The following LDB2 variants were observed in gnomAD, a reference collection of about 807,000 sequenced individuals.
The protein encoded by LDB2 is LIM domain-binding protein 2.
LDB2 carries 12 observed loss-of-function variants against 44.3 expected under a neutral mutation model. The ratio of observed to expected loss-of-function variants is 0.27; its 90% CI spans 0.17 to 0.44. LDB2 has a LOEUF of 0.44. Among genes scored for constraint, LDB2 ranks in the 20% least tolerant of loss-of-function variants. LDB2 has a pLI of 1.00. For missense variants in LDB2, 344 were observed against 473.5 expected, an observed-to-expected ratio of 0.73 and a Z score of 2.54; for synonymous variants, 164 against 174.8, an observed-to-expected ratio of 0.94 and a Z score of 0.49.
chr4:16,585,516 G>A (rs7667956), intron 5 of LDB2, among the ~76,000 whole-genome samples: 2,670 of 152,254 alleles, frequency 0.018, 34 homozygotes, highest in South Asian at 0.051. Context: ...GATTTCTTCA[G>A]GAGACTCTAT....
At chr4:16,876,074 T>C (rs1227064154) in intron 1 of LDB2, among the ~76,000 whole-genome samples, 1 of 152,204 alleles carries the variant, frequency 6.6e-6, no homozygotes, top group Non-Finnish European at 1.5e-5. Flanking sequence ...CACCCTCCTA[T>C]TGGGCCATTC....
chr4:16,703,763 G>C (rs1754004023), intron 2 of LDB2, among the ~76,000 whole-genome samples: 1 of 152,136 alleles, frequency 6.6e-6, no homozygotes, highest in Admixed American at 6.6e-5. Context: ...AATATTTTGG[G>C]TGCATTATCA....
At chr4:16,585,341 GGAGCACAGCT>G in intron 5 of LDB2, among the ~76,000 whole-genome samples, 1 of 152,288 alleles carries the variant, frequency 6.6e-6, no homozygotes, top group South Asian at 2.1e-4. Flanking sequence ...GGGCGGGTGG[GGAGCACAGCT>G]GATTCTGCCT....
intron 1 of LDB2, among the ~76,000 whole-genome samples, chr4:16,816,675 T>C (rs751204319): frequency 7.2e-5 from 11 of 152,120 alleles, no homozygotes; most frequent in Non-Finnish European, 1.5e-4. Context: ...CTTCCCAAAG[T>C]GCTGGGATTA....
At chr4:16,624,997 C>G (rs1729892713) in intron 2 of LDB2, among the ~76,000 whole-genome samples, 1 of 152,146 alleles carries the variant, frequency 6.6e-6, no homozygotes. Context: ...ATCTTTGAAA[C>G]CTTTCAATGG....
intron 1 of LDB2, among the ~76,000 whole-genome samples, chr4:16,830,158 G>A (rs560014292): frequency 6.6e-6 from 1 of 152,228 alleles, no homozygotes; most frequent in Admixed American, 6.5e-5. Context: ...TACACATATT[G>A]ATATGGTTTG....
intron 1 of LDB2, among the ~76,000 whole-genome samples, chr4:16,770,542 A>T (rs911878070): frequency 5.9e-5 from 9 of 151,958 alleles, no homozygotes; most frequent in African/African-American, 9.7e-5. Flanking sequence ...TCTTATCCCA[A>T]TGTCAGTGGG....
Position 16,563,105 on chromosome 4 carries a change from T to C in LDB2, c.615+22817A>G, listed in dbSNP as rs998005710. On this transcript the variant is annotated intron_variant, in intron 5 of 7. Transcript: ENST00000304523. ...AGGGGAGGGATAGCATTAGGAGATA[T>C]ACCTAATGCTAAATGACGAGTTAAT... 3.3e-3 allele frequency among the ~76,000 whole-genome samples: 500 copies of C among 151,942 alleles called. 1 individual carries two copies. The highest frequency in any genetic ancestry group is 4.4e-3 in the Non-Finnish European group (296 of 67,954).
At chr4:16,585,142 C>A (rs1716299334) in intron 5 of LDB2, among the ~76,000 whole-genome samples, 1 of 152,164 alleles carries the variant, frequency 6.6e-6, no homozygotes, top group Non-Finnish European at 1.5e-5. Flanking sequence ...CGCACTATGT[C>A]AGTTGCTCCG....
chr4:16,644,818 T>A (rs1180888931), intron 2 of LDB2, among the ~76,000 whole-genome samples: 1 of 152,208 alleles, frequency 6.6e-6, no homozygotes, highest in Non-Finnish European at 1.5e-5. Context: ...TCTATTAAAC[T>A]AGTTCTTTTC....
At chr4:16,891,214 TAA>T (rs551204831) in intron 1 of LDB2, among the ~76,000 whole-genome samples, 5 of 123,424 alleles carry the variant, frequency 4.1e-5, no homozygotes, top group South Asian at 2.5e-4. Context: ...TATTTTTAAG[TAA>T]AAAAAAAAAA....
chr4:16,828,616 C>A (rs1783493934), intron 1 of LDB2, among the ~76,000 whole-genome samples: 1 of 151,988 alleles, frequency 6.6e-6, no homozygotes, highest in African/African-American at 2.4e-5. Flanking sequence ...AGTTTGGACA[C>A]CTATCATGTG....
chr4:16,881,127 G>A (rs1378712558), intron 1 of LDB2, among the ~76,000 whole-genome samples: 1 of 152,164 alleles, frequency 6.6e-6, no homozygotes, highest in Non-Finnish European at 1.5e-5. Context: ...TGAGACTCAA[G>A]ACCTTCTGTA....
chr4:16,766,579 C>A (rs1302924984), intron 1 of LDB2, among the ~76,000 whole-genome samples: 1 of 150,432 alleles, frequency 6.6e-6, no homozygotes, highest in Non-Finnish European at 1.5e-5. Context: ...AATCTTGGCT[C>A]ACTGCAACCT....
At chr4:16,800,560 A>G (rs1777600689) in intron 1 of LDB2, among the ~76,000 whole-genome samples, 1 of 152,252 alleles carries the variant, frequency 6.6e-6, no homozygotes, top group South Asian at 2.1e-4. Context: ...TTCTCTGCAC[A>G]GTGACCCTGA....
chr4:16,892,427 C>T (rs980967161), intron 1 of LDB2, among the ~76,000 whole-genome samples: 6 of 152,030 alleles, frequency 3.9e-5, no homozygotes, highest in African/African-American at 9.7e-5. Context: ...AATCTAGGCT[C>T]ATATTGATTT....
chr4:16,620,954 G>A (rs1448606925), intron 2 of LDB2, among the ~76,000 whole-genome samples: 5 of 152,138 alleles, frequency 3.3e-5, no homozygotes, highest in African/African-American at 9.7e-5. Flanking sequence ...GAACTTAAAC[G>A]CTTTATCACG....
intron 5 of LDB2, among the ~76,000 whole-genome samples, chr4:16,539,420 G>A (rs1319287186): frequency 6.6e-6 from 1 of 152,078 alleles, no homozygotes; most frequent in Non-Finnish European, 1.5e-5. Flanking sequence ...GGATAAGCAG[G>A]GACTTTACTT....
At chr4:16,707,532 C>T (rs116517078) in intron 2 of LDB2, among the ~76,000 whole-genome samples, 40 of 152,262 alleles carry the variant, frequency 2.6e-4, no homozygotes, top group African/African-American at 7.9e-4. Context: ...GTGATAATTT[C>T]GAGGGTTAAT....
Sources: gnomAD v4.1 joint callset for allele counts (sites outside exome capture counted in the v4.1 genomes callset) on GRCh38, gnomAD v4.1.1 for gene constraint, MANE v1.5 for transcripts, NCBI Gene and HGNC (gene_info 2026-07-23, HGNC 2026-07-21) for gene names.